TULP1: variants seen among roughly 807,000 people sequenced by gnomAD.
TULP1 encodes the protein tubby-related protein 1.
Under a neutral mutation model 67.1 loss-of-function variants are expected in TULP1, and 50 were observed. The ratio of observed to expected loss-of-function variants is 0.75; its 90% CI spans 0.59 to 0.94. The LOEUF (loss-of-function observed/expected upper bound fraction) is 0.94. Ranked by LOEUF, TULP1 falls within the 40% of genes least tolerant of loss-of-function variation. The pLI, the probability that TULP1 is intolerant of heterozygous loss-of-function variation, is 0.00. For synonymous variants in TULP1, 297 were observed against 294.0 expected, an observed-to-expected ratio of 1.01 and a Z score of -0.11; for missense variants, 746 against 734.1, an observed-to-expected ratio of 1.02 and a Z score of -0.19.
At position 35,500,141 on chromosome 6, in the gene TULP1, G is replaced by C. The variant is rs1440330475; in HGVS notation, c.1335C>G (p.Gly445=). 6.2e-7 allele frequency: 1 copy of C among 1,614,018 alleles called. No homozygotes were observed. Among genetic ancestry groups the C allele is most frequent in the Admixed American group, 1.7e-5 (1 of 60,028 alleles). The change falls in exon 14 of 15, where the codon GGC becomes GGG. Residue 445 remains glycine, a synonymous_variant. Coordinates refer to ENST00000229771, the MANE Select transcript of TULP1 (RefSeq NM_003322.6). Reference sequence around the variant, plus strand: ...TCTTGTTCTGCCAGCGCACCAGCAGGCCGTCACTAGCCTGGGGTGCCCCAG... The same window carrying C: ...TCTTGTTCTGCCAGCGCACCAGCAGCCCGTCACTAGCCTGGGGTGCCCCAG... ...VPIRPRNASD[G]LLVRWQNKTL... is the part of the protein sequence containing the mutation.
intron 4 of TULP1, 151 bp from the exon 5 acceptor site, chr6:35,511,161 C>A: frequency 6.7e-7 from 1 of 1,500,502 alleles, no homozygotes; most frequent in Non-Finnish European, 8.9e-7. Flanking sequence ...GGCACCTTCC[C>A]AGAAGAATGA....
chr6:35,503,507 G>T lies in TULP1; in HGVS notation c.1323+52C>A. 6.6e-7 allele frequency: 1 copy of T among 1,525,082 alleles called. No homozygotes were observed. Among genetic ancestry groups the T allele is most frequent in the South Asian group, 1.2e-5 (1 of 83,464 alleles). The allele number at this position is 1,525,082 out of a possible 1,614,324, so 94.5% of individuals were successfully genotyped here. A position where few individuals can be genotyped will look rare whatever the true frequency, so the allele number is the denominator to read the frequency against. ...TTGGCTATTTCCTAAGCTGAGCCCC[G>T]ACTCCTGTTTCTCACATAGGGAGCC... is the stretch of plus-strand genomic sequence containing the variant. On this transcript the variant is annotated intron_variant, in intron 13 of 14. Transcript: ENST00000229771. This position sits in a 1 kb window ranked among gnomAD's most constrained non-coding sequence, Gnocchi z 4.0.
At chr6:35,509,137 A>G in intron 8 of TULP1, 72 bp downstream of exon 8, 1 of 1,380,796 alleles carries the variant, frequency 7.2e-7, no homozygotes, top group Non-Finnish European at 1.0e-6. Context: ...CCCACCCTCT[A>G]GGCTCCCAAG....
chr6:35,505,483 G>T, intron 11 of TULP1: 1 of 977,396 alleles, frequency 1.0e-6, no homozygotes, highest in Non-Finnish European at 1.5e-6. Context: ...TCCAAGTGAG[G>T]CCCTGGGCTG....
At chr6:35,512,498 C>G in intron 2 of TULP1, 141 bp downstream of exon 2, 1 of 1,185,320 alleles carries the variant, frequency 8.4e-7, no homozygotes, top group East Asian at 2.4e-5. Context: ...CCAAACAGCC[C>G]TTTCTCCCCC....
chr6:35,507,641 C>T, intron 8 of TULP1, among the ~76,000 whole-genome samples: 1 of 152,132 alleles, frequency 6.6e-6, no homozygotes, highest in East Asian at 1.9e-4. Context: ...ACCTGGTGCC[C>T]TTTGTCCTCA....
At chr6:35,507,972 G>A (rs1412096788) in intron 8 of TULP1, among the ~76,000 whole-genome samples, 1 of 152,046 alleles carries the variant, frequency 6.6e-6, no homozygotes, top group Non-Finnish European at 1.5e-5. Flanking sequence ...GCATCACCAT[G>A]CCCCGATAAT....
rs1318029823 is a variant in TULP1, at chr6:35,511,012, T to G, written c.350-2A>C. ...CGTCCTCCTCTTCCTCCTCCTCCTC[T>G]GCAGGTAGAAACTCTTCATAATGGG... On this transcript the variant is annotated splice_acceptor_variant, in intron 4 of 14. Transcript: ENST00000229771. LOFTEE classifies it high-confidence loss of function. 6.2e-7 allele frequency: 1 copy of G among 1,604,782 alleles called. No homozygotes were observed. The highest frequency in any genetic ancestry group is 1.7e-5 in the Admixed American group (1 of 60,018).
chr6:35,509,009 G>A lies in TULP1; in HGVS notation c.822+200C>T, dbSNP rs531511910. Reference sequence around the variant, plus strand: ...ATGACATAAGGCCCTTGCATGGCCAGTCCTAGCCTGGTGACCCCACAAACG... The same window carrying A: ...ATGACATAAGGCCCTTGCATGGCCAATCCTAGCCTGGTGACCCCACAAACG... On this transcript the variant is annotated intron_variant, in intron 8 of 14. Transcript: ENST00000229771. Among the ~76,000 whole-genome samples the A allele has an allele frequency of 2.0e-5, 3 of 152,292 alleles. No homozygotes were observed. The South Asian group carries it at 6.2e-4, about 32-fold the overall frequency.
At chr6:35,505,541 C>G in intron 11 of TULP1, 200 bp downstream of exon 11, 2 of 1,470,416 alleles carry the variant, frequency 1.4e-6, no homozygotes, top group South Asian at 1.2e-5. Flanking sequence ...TGTAGACTCC[C>G]GGGCCCACCC....
rs1768800199 is a variant in TULP1 at position 35,500,071 on chromosome 6, T to C, written c.1405A>G (p.Asn469Asp). ...AGGGTGTAGGAGCCACTGTCATCGTTCCAGACAGGTGGCTTGTTGTGCAGT... is the reference window on the plus strand; with the variant it reads ...AGGGTGTAGGAGCCACTGTCATCGTCCCAGACAGGTGGCTTGTTGTGCAGT... Reference protein sequence around the residue: ...IELHNKPPVWNDDSGSYTLNF... With the variant: ...IELHNKPPVWDDDSGSYTLNF... Residue 469 changes from asparagine (N) to aspartate (D), a missense_variant, in exon 14 of 15, where the codon AAC becomes GAC. Physicochemically the swap from Asn to Asp is conservative, Grantham distance 23. This residue lies in a region of TULP1 where 383 missense variants were observed against 374.1 expected (regional missense o/e 1.02). Transcript: ENST00000229771. The C allele has an allele frequency of 6.2e-7, 1 of 1,614,030 alleles. No homozygotes were observed. Among genetic ancestry groups the C allele is most frequent in the African/African-American group, 1.3e-5 (1 of 74,884 alleles).
Position 35,505,865 on chromosome 6 carries a change from G to C in TULP1, c.1000-12C>G. The stretch of plus-strand genomic sequence containing the variant: ...GCCAAGAGGAACACCTGGGGAAAAG[G>C]GGAGACAGGTGAGAGGATGGGAAGA... On this transcript the variant is annotated splice_polypyrimidine_tract_variant and intron_variant, in intron 10 of 14. Transcript: ENST00000229771. 1 of 1,614,214 alleles carries C rather than the reference G, an allele frequency of 6.2e-7. No homozygotes were observed. Among genetic ancestry groups the C allele is most frequent in the Non-Finnish European group, 8.5e-7 (1 of 1,180,042 alleles).
intron 8 of TULP1, 105 bp downstream of exon 8, chr6:35,509,104 C>A (rs1311326560): frequency 2.0e-6 from 2 of 988,792 alleles, no homozygotes; most frequent in South Asian, 1.3e-5. Context: ...AGCCAAGGTT[C>A]TAACCTCAAG....
rs1271744903 is a variant in TULP1 at position 35,505,878 on chromosome 6, G to A, written c.1000-25C>T. On this transcript the variant is annotated intron_variant, in intron 10 of 14. Transcript: ENST00000229771. ...CCTGGGGAAAAGGGGAGACAGGTGA[G>A]AGGATGGGAAGAGAAGGTGGGAAGG... 11 of 1,614,110 alleles carry A rather than the reference G, an allele frequency of 6.8e-6. No individual in the cohort carries two copies. In the Admixed American group the frequency reaches 8.3e-5, roughly 12 times the overall value.
In TULP1 at chr6:35,503,869, G is replaced by A. The variant is rs1341606198; in HGVS notation, c.1113-21C>T. On this transcript the variant is annotated intron_variant, in intron 11 of 14. Coordinates refer to ENST00000229771, the MANE Select transcript of TULP1 (RefSeq NM_003322.6). The surrounding 1 kb of genome is among the most constrained non-coding windows in gnomAD (Gnocchi z 4.0). ...TGGACCTGCAAGCAGGGTAGAGCTT[G>A]GGGTGGGGCTGAGGGGATCCTACAT... The A allele has an allele frequency of 1.3e-6, 2 of 1,583,802 alleles. No homozygotes were observed. The highest frequency in any genetic ancestry group is 1.7e-6 in the Non-Finnish European group (2 of 1,166,574).
At position 35,499,981 on chromosome 6, in the gene TULP1, G is replaced by A. The variant is rs138772407; in HGVS notation, c.1495C>T (p.Pro499Ser). The change falls in exon 14 of 15, where the codon CCC becomes TCC. Residue 499 changes from proline (P) to serine (S), a missense_variant and splice_region_variant. This residue lies in a region of TULP1 where 383 missense variants were observed against 374.1 expected (regional missense o/e 1.02). Transcript: ENST00000229771. ...KNFQIVHADD[P>S]DYIVLQFGRV... is the part of the protein sequence containing the mutation. ...CAGACCTGGGCCCTCAGGTACTCAC[G>A]GTCATCAGCGTGGACAATCTGGAAG... 8.2e-5 allele frequency: 133 copies of A among 1,613,972 alleles called. No individual in the cohort carries two copies. In the African/African-American group the frequency reaches 1.4e-3, roughly 17 times the overall value.
At position 35,505,605 on chromosome 6, in the gene TULP1, G is replaced by A. The variant is rs746564286; in HGVS notation, c.1112+136C>T. 67 of 1,541,042 alleles carry A rather than the reference G, an allele frequency of 4.3e-5. No homozygotes were observed. The South Asian group carries it at 7.1e-4, about 16-fold the overall frequency. On this transcript the variant is annotated intron_variant, in intron 11 of 14. Coordinates refer to ENST00000229771, the MANE Select transcript of TULP1 (RefSeq NM_003322.6). ...CCACATGATCTATGTACATCAAAGC[G>A]AGAGGCCCTAGGCTAGGGGACGTTT...
Position 35,503,933 on chromosome 6 carries a change from G to C in TULP1, c.1113-85C>G. On this transcript the variant is annotated intron_variant, in intron 11 of 14. Transcript: ENST00000229771. This position sits in a 1 kb window ranked among gnomAD's most constrained non-coding sequence, Gnocchi z 4.0. The stretch of plus-strand genomic sequence containing the variant: ...CCCTTCCACACAGCCAAGCAGTTTA[G>C]AGAGCTTCCTACAAGGGTGGGGGTG... The C allele has an allele frequency of 9.6e-7, 1 of 1,038,104 alleles. No individual in the cohort carries two copies. The highest frequency in any genetic ancestry group is 1.4e-6 in the Non-Finnish European group (1 of 694,400). The allele number at this position is 1,038,104 out of a possible 1,614,324, so 64.3% of individuals were successfully genotyped here. A position where few individuals can be genotyped will look rare whatever the true frequency, so the allele number is the denominator to read the frequency against.
Position 35,511,061 on chromosome 6 carries a change from C to G in TULP1, c.350-51G>C, listed in dbSNP as rs1378126492. The G allele has an allele frequency of 1.9e-6, 3 of 1,597,902 alleles. No homozygotes were observed. In the Admixed American group the frequency reaches 5.0e-5, roughly 27 times the overall value. On this transcript the variant is annotated intron_variant, in intron 4 of 14. Transcript: ENST00000229771. ...GGGGTTTGAGCCGGGCCCTCCTTAT[C>G]TGGGGAGCCCAGTTCCTCCAGACTG...
Sources: allele counts gnomAD v4.1 joint callset (sites outside exome capture counted in the v4.1 genomes callset), GRCh38; gene constraint gnomAD v4.1.1; regional missense constraint gnomAD v4.1.1; non-coding constraint Gnocchi (gnomAD v3.1); transcripts MANE v1.5; gene names NCBI Gene and HGNC (gene_info 2026-07-23, HGNC 2026-07-21).